Variants in NCOA1 observed in about 807,000 individuals in gnomAD.
NCOA1 encodes the protein Hin-2 protein.
Under a neutral mutation model 150.9 loss-of-function variants are expected in NCOA1, and 35 were observed. The observed-to-expected ratio is 0.23, with a 90% CI of 0.18 to 0.31. The LOEUF (loss-of-function observed/expected upper bound fraction) is 0.31. Ranked by LOEUF, NCOA1 falls within the 10% of genes least tolerant of loss-of-function variation. The probability of loss-of-function intolerance (pLI) is 1.00; values close to 1 mark genes in which losing one functional copy is unlikely to be tolerated. For synonymous variants in NCOA1, 590 were observed against 630.0 expected, an observed-to-expected ratio of 0.94 and a Z score of 0.95; for missense variants, 1,491 against 1,749.3, an observed-to-expected ratio of 0.85 and a Z score of 2.63.
chr2:24,576,164 T>TTTTTTTGTTTTTG (rs1558806561), intron 2 of NCOA1, among the ~76,000 whole-genome samples: 41 of 85,064 alleles, frequency 4.8e-4, no homozygotes, highest in African/African-American at 2.0e-3. Flanking sequence ...TTTTTTTTTG[T>TTTTTTTGTTTTTG]TTTTTGTTTT....
intron 2 of NCOA1, among the ~76,000 whole-genome samples, chr2:24,581,046 G>A (rs1255941440): frequency 1.3e-5 from 2 of 152,156 alleles, no homozygotes; most frequent in African/African-American, 2.4e-5. Flanking sequence ...GAGATTCTTT[G>A]TTACTGCTGG....
At chr2:24,519,735 G>A (rs1215917193) in intron 1 of NCOA1, among the ~76,000 whole-genome samples, 1 of 152,036 alleles carries the variant, frequency 6.6e-6, no homozygotes, top group Non-Finnish European at 1.5e-5. Flanking sequence ...GCTGAGATGG[G>A]AGGATTGTTT....
At chr2:24,596,503 A>T (rs1323851260) in intron 3 of NCOA1, among the ~76,000 whole-genome samples, 1 of 152,086 alleles carries the variant, frequency 6.6e-6, no homozygotes, top group Admixed American at 6.6e-5. Flanking sequence ...CCAAAGCCCA[A>T]AAAAAATCTT....
chr2:24,637,681 TTTTTGTTTTG>T lies in NCOA1; in HGVS notation c.-174-6265_-174-6256del, dbSNP rs767182525. ...TGAAACTATACAATATATTGGGGGT[TTTTTGTTTTG>T]TTTTGTTTTGTTTTGTTTTTTGAGA... On this transcript the variant is annotated intron_variant, in intron 3 of 22. Coordinates refer to ENST00000348332, the MANE Select transcript of NCOA1 (RefSeq NM_003743.5). Among the ~76,000 whole-genome samples the T allele has an allele frequency of 7.3e-5, 11 of 151,622 alleles. No individual in the cohort carries two copies. In the South Asian group the frequency reaches 8.3e-4, roughly 11 times the overall value.
At chr2:24,643,459 C>T (rs1046538271) in intron 3 of NCOA1, among the ~76,000 whole-genome samples, 3 of 151,986 alleles carry the variant, frequency 2.0e-5, no homozygotes, top group African/African-American at 7.3e-5. Context: ...CAAATTAGTT[C>T]GATATAAGGT....
chr2:24,763,002 C>A (rs1323948838), intron 22 of NCOA1, among the ~76,000 whole-genome samples: 2 of 152,130 alleles, frequency 1.3e-5, no homozygotes, highest in Non-Finnish European at 2.9e-5. Context: ...TGAGAGGATT[C>A]AATGAGATCA....
chr2:24,766,444 G>T (rs754762925), intron 22 of NCOA1, among the ~76,000 whole-genome samples: 1 of 152,104 alleles, frequency 6.6e-6, no homozygotes, highest in Non-Finnish European at 1.5e-5. Context: ...TCTTTCTGTT[G>T]TGGCCAATCA....
chr2:24,561,520 T>C (rs1023931138), intron 1 of NCOA1, among the ~76,000 whole-genome samples: 1 of 152,164 alleles, frequency 6.6e-6, no homozygotes, highest in African/African-American at 2.4e-5. Flanking sequence ...TGGAAAATTG[T>C]GAAGGACAAG....
intron 1 of NCOA1, among the ~76,000 whole-genome samples, chr2:24,497,812 T>G (rs1163936556): frequency 6.6e-6 from 1 of 152,244 alleles, no homozygotes; most frequent in Non-Finnish European, 1.5e-5. Flanking sequence ...CTCTCAAGTT[T>G]TGTTGGTATT....
At chr2:24,731,345 A>G (rs892395880) in intron 17 of NCOA1, among the ~76,000 whole-genome samples, 2 of 152,186 alleles carry the variant, frequency 1.3e-5, no homozygotes, top group South Asian at 2.1e-4. Flanking sequence ...TTCCTCATCT[A>G]TAAAAAGAGT....
intron 14 of NCOA1, among the ~76,000 whole-genome samples, chr2:24,718,869 A>C (rs901555322): frequency 2.1e-5 from 3 of 140,568 alleles, no homozygotes; most frequent in African/African-American, 7.8e-5. Flanking sequence ...ACTCTGTCTC[A>C]AAAAAAAAAA....
At chr2:24,740,591 T>C (rs1474916277) in intron 18 of NCOA1, among the ~76,000 whole-genome samples, 1 of 152,222 alleles carries the variant, frequency 6.6e-6, no homozygotes, top group African/African-American at 2.4e-5. Flanking sequence ...CTAAAATGTC[T>C]TATTGCTGAA....
chr2:24,568,537 A>C (rs773196070), intron 2 of NCOA1, among the ~76,000 whole-genome samples: 2 of 152,200 alleles, frequency 1.3e-5, no homozygotes, highest in African/African-American at 2.4e-5. Context: ...GAGGTGATGA[A>C]GAATGAAATG....
At chr2:24,692,567 G>A (rs529777495) in intron 9 of NCOA1, among the ~76,000 whole-genome samples, 1 of 152,194 alleles carries the variant, frequency 6.6e-6, no homozygotes, top group East Asian at 1.9e-4. Flanking sequence ...AATCTTTTTA[G>A]CCATTAAGTA....
At chr2:24,573,391 A>G (rs1197809078) in intron 2 of NCOA1, among the ~76,000 whole-genome samples, 3 of 152,130 alleles carry the variant, frequency 2.0e-5, no homozygotes, top group African/African-American at 7.2e-5. Context: ...TCCTTACATT[A>G]TTAAGAAACA....
At chr2:24,602,523 A>G (rs1019666775) in intron 3 of NCOA1, among the ~76,000 whole-genome samples, 1 of 152,082 alleles carries the variant, frequency 6.6e-6, no homozygotes, top group Non-Finnish European at 1.5e-5. Flanking sequence ...TAAAAAATAC[A>G]CTCTAAGTTA....
intron 15 of NCOA1, 24 bp from the exon 16 acceptor site, chr2:24,728,284 C>T (rs188468918): frequency 1.3e-6 from 2 of 1,580,316 alleles, no homozygotes; most frequent in East Asian, 2.3e-5. Flanking sequence ...CAGTCTGAAA[C>T]TTTCTTGTTT....
intron 4 of NCOA1, among the ~76,000 whole-genome samples, chr2:24,644,952 A>G (rs1024062440): frequency 6.6e-6 from 1 of 152,168 alleles, no homozygotes; most frequent in African/African-American, 2.4e-5. Context: ...TCACTTTTAA[A>G]GGAGGCGACA....
At chr2:24,617,247 G>T (rs967394217) in intron 3 of NCOA1, among the ~76,000 whole-genome samples, 1 of 152,094 alleles carries the variant, frequency 6.6e-6, no homozygotes, top group African/African-American at 2.4e-5. Context: ...TTAAATTTTA[G>T]CAGACTCTTC....
Sources: gnomAD v4.1 joint callset for allele counts (sites outside exome capture counted in the v4.1 genomes callset) on GRCh38, gnomAD v4.1.1 for gene constraint, MANE v1.5 for transcripts, NCBI Gene and HGNC (gene_info 2026-07-23, HGNC 2026-07-21) for gene names.